Variants in ESRRG observed in about 807,000 individuals in gnomAD.
The protein encoded by ESRRG is estrogen-related receptor gamma.
Under a neutral mutation model 44.0 loss-of-function variants are expected in ESRRG, and 13 were observed. The ratio of observed to expected loss-of-function variants is 0.30; its 90% CI spans 0.19 to 0.47. The LOEUF is 0.47. Among genes scored for constraint, ESRRG ranks in the 20% least tolerant of loss-of-function variants. ESRRG has a pLI of 1.00. For missense variants in ESRRG, 395 were observed against 580.6 expected (o/e 0.68, Z 3.29); for synonymous variants, 215 against 214.6 (o/e 1.00, Z -0.02).
intron 1 of ESRRG, among the ~76,000 whole-genome samples, chr1:216,941,243 G>A (rs2065177783): frequency 6.6e-6 from 1 of 152,140 alleles, no homozygotes; most frequent in African/African-American, 2.4e-5. Flanking sequence ...AGCCCAAGAA[G>A]ACCTAATTTA....
chr1:216,986,391 C>T (rs1161428449), intron 1 of ESRRG, among the ~76,000 whole-genome samples: 3 of 152,052 alleles, frequency 2.0e-5, no homozygotes, highest in Non-Finnish European at 2.9e-5. Flanking sequence ...AAACATGTGG[C>T]CTGGCTCCAA....
In ESRRG at chr1:216,666,990, G is replaced by C. The variant is rs117747649; in HGVS notation, c.472+10086C>G. ...TAATGCAAGGGCTTCTTTTCCATAA[G>C]AGAATGATTGAATCGGGAACAGGTA... On this transcript the variant is annotated intron_variant, in intron 2 of 6. Transcript: ENST00000408911. Among the ~76,000 whole-genome samples the C allele has an allele frequency of 2.1e-3, 316 of 152,252 alleles. 13 individuals are homozygous for C. In the East Asian group the frequency reaches 0.054, roughly 26 times the overall value.
rs181362709 is a variant in ESRRG, at chr1:216,506,487, A to G, written c.*452T>C. On this transcript the variant is annotated 3_prime_UTR_variant, in exon 7 of 7. Coordinates refer to ENST00000408911, the MANE Select transcript of ESRRG (RefSeq NM_001438.4). Reference sequence around the variant, plus strand: ...AGGGAAAAGGAAAGGGAAAAAGGAAAGAAAGGGAAAGGAAAGGGGGAAGGG... The same window carrying G: ...AGGGAAAAGGAAAGGGAAAAAGGAAGGAAAGGGAAAGGAAAGGGGGAAGGG... 8.3e-6 allele frequency: 3 copies of G among 360,738 alleles called. No individual in the cohort carries two copies. Among genetic ancestry groups the G allele is most frequent in the Non-Finnish European group, 1.6e-5 (3 of 185,588 alleles). The allele number at this position is 360,738 out of a possible 1,614,324, so 22.3% of individuals were successfully genotyped here. A position where few individuals can be genotyped will look rare whatever the true frequency, so the allele number is the denominator to read the frequency against.
At chr1:216,766,335 A>G (rs2093074305) in intron 2 of ESRRG, among the ~76,000 whole-genome samples, 1 of 152,076 alleles carries the variant, frequency 6.6e-6, no homozygotes, top group African/African-American at 2.4e-5. Flanking sequence ...GAGAAGACGT[A>G]TATGTGGAGG....
chr1:216,890,585 A>G (rs1050935870), intron 2 of ESRRG, among the ~76,000 whole-genome samples: 1 of 152,206 alleles, frequency 6.6e-6, no homozygotes, highest in African/African-American at 2.4e-5. Context: ...AAATAACAAA[A>G]TGAGGGTTTT....
intron 4 of ESRRG, among the ~76,000 whole-genome samples, chr1:216,565,189 A>G (rs1053868588): frequency 5.3e-5 from 8 of 152,192 alleles, no homozygotes; most frequent in Non-Finnish European, 1.2e-4. Flanking sequence ...ACTAGAGACA[A>G]ATGGAAAGCA....
chr1:216,612,538 C>T (rs1350291639), intron 3 of ESRRG, among the ~76,000 whole-genome samples: 1 of 152,192 alleles, frequency 6.6e-6, no homozygotes. Context: ...CTCCACCCCC[C>T]TCCTTTCTTG....
chr1:216,551,237 A>G (rs2056242236), intron 5 of ESRRG, among the ~76,000 whole-genome samples: 1 of 152,228 alleles, frequency 6.6e-6, no homozygotes. Flanking sequence ...CTTATCATAT[A>G]GTAGGCTCTT....
chr1:216,968,803 A>G (rs2071016501), intron 1 of ESRRG, among the ~76,000 whole-genome samples: 1 of 152,000 alleles, frequency 6.6e-6, no homozygotes, highest in African/African-American at 2.4e-5. Flanking sequence ...CTATAGGTCA[A>G]GTTGGCAAGA....
intron 1 of ESRRG, among the ~76,000 whole-genome samples, chr1:217,123,250 G>A (rs1330856233): frequency 2.0e-5 from 3 of 152,056 alleles, no homozygotes; most frequent in Admixed American, 2.0e-4. Context: ...TCATGCCTAA[G>A]GGGTCCTACA....
At chr1:216,651,146 C>T in intron 2 of ESRRG, 57 bp from the exon 3 acceptor site, 1 of 1,124,682 alleles carries the variant, frequency 8.9e-7, no homozygotes, top group Admixed American at 1.7e-5. Flanking sequence ...GAAACATTAG[C>T]TTCCCAAAGG....
intron 1 of ESRRG, among the ~76,000 whole-genome samples, chr1:216,951,437 A>G (rs1170128679): frequency 6.6e-6 from 1 of 152,094 alleles, no homozygotes; most frequent in African/African-American, 2.4e-5. Context: ...TAAATTTTCC[A>G]TTTTTAAGCT....
chr1:216,715,260 A>G (rs1390999922), intron 1 of ESRRG: 4 of 985,032 alleles, frequency 4.1e-6, no homozygotes, highest in Non-Finnish European at 2.4e-6. Flanking sequence ...CTATGGATAA[A>G]AGGGATGTTT....
In ESRRG at chr1:217,081,524, G is replaced by A. The variant is rs116385066; in HGVS notation, c.-106+7983C>T. On this transcript the variant is annotated intron_variant, in intron 1 of 7. Coordinates refer to the ESRRG transcript ENST00000359162. ...TCACAGGTGTGAGCCGCCGTGCCAG[G>A]CCAAAAATATTCCTAAAAGACATAT... is the stretch of plus-strand genomic sequence containing the variant. Among the ~76,000 whole-genome samples, 1,062 of 152,224 alleles carry A rather than the reference G, an allele frequency of 7.0e-3. 16 individuals are homozygous for A. The highest frequency in any genetic ancestry group is 0.025 in the African/African-American group (1,020 of 41,544).
In ESRRG at chr1:216,854,321, C is replaced by A. The variant is rs113591230; in HGVS notation, c.-14+85261G>T. ...GCAGTGAGTCGAGATCGCACCACTG[C>A]ACTCCAGCCTGGCGACAGAGCAAGA... On this transcript the variant is annotated intron_variant, in intron 2 of 7. Coordinates refer to the ESRRG transcript ENST00000359162. Among the ~76,000 whole-genome samples the A allele has an allele frequency of 7.3e-3, 956 of 130,498 alleles. 11 individuals carry two copies. The highest frequency in any genetic ancestry group is 0.026 in the African/African-American group (912 of 34,698). 85.6% of individuals were successfully genotyped at this position (130,498 alleles called of 152,430 possible). A position where few individuals can be genotyped will look rare whatever the true frequency, so the allele number is the denominator to read the frequency against.
intron 1 of ESRRG, among the ~76,000 whole-genome samples, chr1:217,032,853 T>A (rs2082274605): frequency 6.6e-6 from 1 of 152,220 alleles, no homozygotes. Flanking sequence ...TCATCAGGGA[T>A]GCTCTATTGT....
intron 2 of ESRRG, among the ~76,000 whole-genome samples, chr1:216,879,037 A>T (rs2149293471): frequency 6.6e-6 from 1 of 152,362 alleles, no homozygotes; most frequent in East Asian, 1.9e-4. Context: ...GAGGCCAAAG[A>T]CTACATGTGA....
intron 1 of ESRRG, among the ~76,000 whole-genome samples, chr1:216,974,092 A>G (rs2072346758): frequency 6.6e-6 from 1 of 152,240 alleles, no homozygotes; most frequent in African/African-American, 2.4e-5. Flanking sequence ...TAGTAGAATC[A>G]TTATCATTAA....
At chr1:216,737,833 A>G (rs1382467671) in intron 2 of ESRRG, among the ~76,000 whole-genome samples, 1 of 152,134 alleles carries the variant, frequency 6.6e-6, no homozygotes, top group African/African-American at 2.4e-5. Flanking sequence ...TATGAAAACA[A>G]ATAAGATAAC....
Sources: gnomAD v4.1 joint callset for allele counts (sites outside exome capture counted in the v4.1 genomes callset) on GRCh38, gnomAD v4.1.1 for gene constraint, MANE v1.5 for transcripts, NCBI Gene and HGNC (gene_info 2026-07-23, HGNC 2026-07-21) for gene names.